Variants in MYO10 observed in about 807,000 individuals in gnomAD.
The protein encoded by MYO10 is unconventional myosin-X.
Under a neutral mutation model 257.3 loss-of-function variants are expected in MYO10, and 133 were observed. The ratio of observed to expected loss-of-function variants is 0.52; its 90% CI spans 0.45 to 0.60. The LOEUF (loss-of-function observed/expected upper bound fraction) is 0.60, where lower values mean the gene tolerates loss of function less well. Among genes scored for constraint, MYO10 ranks in the 20% least tolerant of loss-of-function variants. MYO10 has a pLI of 0.00. For missense variants in MYO10, 2,399 were observed against 2,635.7 expected (o/e 0.91, Z 1.97); for synonymous variants, 1,104 against 1,028.6 (o/e 1.07, Z -1.40).
chr5:16,934,105 C>T lies in MYO10; in HGVS notation c.21+1683G>A, dbSNP rs554681701. Among the ~76,000 whole-genome samples the T allele has an allele frequency of 5.3e-5, 8 of 152,338 alleles. No individual in the cohort carries two copies. The South Asian group carries it at 1.7e-3, about 32-fold the overall frequency. Reference sequence around the variant, plus strand: ...ACAGAAATAAAATCCAACAACCAGGCCCCTTACACTGAACTAAGGTATCCA... The same window carrying T: ...ACAGAAATAAAATCCAACAACCAGGTCCCTTACACTGAACTAAGGTATCCA... On this transcript the variant is annotated intron_variant, in intron 1 of 40. Transcript: ENST00000513610.
chr5:16,922,059 C>T (rs1746001966), intron 1 of MYO10, among the ~76,000 whole-genome samples: 1 of 151,816 alleles, frequency 6.6e-6, no homozygotes, highest in African/African-American at 2.4e-5. Flanking sequence ...ACTAAAAATA[C>T]AAAAATTAGC....
At chr5:16,839,248 A>G (rs1006914581) in intron 2 of MYO10, among the ~76,000 whole-genome samples, 12 of 152,208 alleles carry the variant, frequency 7.9e-5, no homozygotes, top group Admixed American at 7.9e-4. Flanking sequence ...TGCCATCAAG[A>G]ACATCTGTGA....
intron 2 of MYO10, among the ~76,000 whole-genome samples, chr5:16,818,394 GTGTGTGTGTGTGTGTGTA>G (rs1372441601): frequency 1.9e-5 from 2 of 107,794 alleles, no homozygotes; most frequent in African/African-American, 3.4e-5. Flanking sequence ...GTGTGTGTGT[GTGTGTGTGTGTGTGTGTA>G]TATATATATA....
At chr5:16,823,125 G>T (rs903428625) in intron 2 of MYO10, among the ~76,000 whole-genome samples, 11 of 150,926 alleles carry the variant, frequency 7.3e-5, no homozygotes, top group East Asian at 2.0e-4. Context: ...TATACAGCAG[G>T]AAAGAAAACT....
At chr5:16,923,200 A>G (rs1489994593) in intron 1 of MYO10, among the ~76,000 whole-genome samples, 1 of 152,156 alleles carries the variant, frequency 6.6e-6, no homozygotes. Flanking sequence ...GTAGAAATAA[A>G]CAGAAGTAAA....
intron 1 of MYO10, among the ~76,000 whole-genome samples, chr5:16,932,457 T>C (rs1422073585): frequency 1.3e-5 from 2 of 152,094 alleles, no homozygotes; most frequent in African/African-American, 4.8e-5. Context: ...GGTTGAGCCT[T>C]TTCTGTTTGC....
At chr5:16,724,119 G>C (rs73755155) in intron 19 of MYO10, among the ~76,000 whole-genome samples, 9,723 of 152,246 alleles carry the variant, frequency 0.064, 1,071 homozygotes, top group African/African-American at 0.22. Context: ...TGTCACAAGA[G>C]AATCTAAATG....
At chr5:16,818,393 T>TGC (rs1312599613) in intron 2 of MYO10, among the ~76,000 whole-genome samples, 1 of 107,762 alleles carries the variant, frequency 9.3e-6, no homozygotes, top group African/African-American at 3.4e-5. Context: ...TGTGTGTGTG[T>TGC]GTGTGTGTGT....
At chr5:16,683,574 C>A (rs538102663) in intron 30 of MYO10, among the ~76,000 whole-genome samples, 8 of 152,318 alleles carry the variant, frequency 5.3e-5, no homozygotes, top group Admixed American at 2.0e-4. Flanking sequence ...CAGGCATTTT[C>A]TTCCTGTATA....
At chr5:16,673,655 G>C (rs749548911) in intron 36 of MYO10, 27 bp downstream of exon 36, 1 of 1,600,664 alleles carries the variant, frequency 6.2e-7, no homozygotes, top group South Asian at 1.1e-5. Context: ...GCATCTAACA[G>C]AACAAGCAGC....
intron 2 of MYO10, among the ~76,000 whole-genome samples, chr5:16,848,160 T>TTTTTTTTTC: frequency 6.8e-6 from 1 of 147,336 alleles, no homozygotes; most frequent in Non-Finnish European, 1.5e-5. Context: ...CATTTCTTTT[T>TTTTTTTTTC]TTTTTTTTTT....
chr5:16,786,184 GT>G (rs1305661812), intron 4 of MYO10, among the ~76,000 whole-genome samples: 5 of 152,134 alleles, frequency 3.3e-5, no homozygotes, highest in Non-Finnish European at 7.3e-5. Context: ...ATGGCTGTCT[GT>G]CATAGCAGCC....
At chr5:16,877,549 G>C in intron 2 of MYO10, 60 bp downstream of exon 2, 1 of 1,359,060 alleles carries the variant, frequency 7.4e-7, no homozygotes, top group South Asian at 1.2e-5. Context: ...ACATGCCCTG[G>C]GCACGAATAG....
intron 2 of MYO10, among the ~76,000 whole-genome samples, chr5:16,827,174 C>T (rs1316123853): frequency 6.6e-6 from 1 of 152,208 alleles, no homozygotes; most frequent in African/African-American, 2.4e-5. Context: ...GAAATTCACA[C>T]AGGTCTACTC....
At chr5:16,935,387 C>T (rs1042728544) in intron 1 of MYO10, among the ~76,000 whole-genome samples, 1 of 152,206 alleles carries the variant, frequency 6.6e-6, no homozygotes, top group East Asian at 1.9e-4. Context: ...AAATACCAGA[C>T]AAGACCTTTC....
rs556066101 is a variant in MYO10, at chr5:16,665,928, C to T, written c.*764G>A. Reference sequence around the variant, plus strand: ...CAAAATACAGCAAAGACAGGAAAATCCAGGATTTGGGTTTGTTAATAAAAC... The same window carrying T: ...CAAAATACAGCAAAGACAGGAAAATTCAGGATTTGGGTTTGTTAATAAAAC... On this transcript the variant is annotated 3_prime_UTR_variant, in exon 41 of 41. Coordinates refer to ENST00000513610, the MANE Select transcript of MYO10 (RefSeq NM_012334.3). The T allele has an allele frequency of 7.9e-5, 12 of 152,546 alleles. No homozygotes were observed. Among genetic ancestry groups the T allele is most frequent in the Non-Finnish European group, 1.3e-4 (9 of 68,026 alleles). 9.4% of individuals were successfully genotyped at this position (152,546 alleles called of 1,614,324 possible).
At chr5:16,932,907 A>G (rs1746329438) in intron 1 of MYO10, among the ~76,000 whole-genome samples, 1 of 152,154 alleles carries the variant, frequency 6.6e-6, no homozygotes, top group Non-Finnish European at 1.5e-5. Flanking sequence ...GGCTGGAACT[A>G]CAGGTGCATA....
intron 1 of MYO10, 142 bp from the exon 2 acceptor site, chr5:16,877,849 A>C: frequency 3.0e-6 from 2 of 673,554 alleles, no homozygotes; most frequent in South Asian, 3.7e-5. Context: ...CAAAGAACAA[A>C]TCTTCGCAAA....
chr5:16,780,588 AT>A lies in MYO10; in HGVS notation c.761del (p.Asn254IlefsTer36). On this transcript the variant is annotated frameshift_variant, in exon 8 of 41. Coordinates refer to ENST00000513610, the MANE Select transcript of MYO10 (RefSeq NM_012334.3). LOFTEE classifies it high-confidence loss of function. ...LLEKNRVVRQ[N>X]PGERNYHIFY... ...ATATGTGATAATTCCTTTCCCCGGGATTTTGCCTTACTACTCGGTTCTGGGA... is the reference window on the plus strand; with the variant it reads ...ATATGTGATAATTCCTTTCCCCGGGATTTGCCTTACTACTCGGTTCTGGGA... 6.3e-7 allele frequency: 1 copy of A among 1,579,326 alleles called. No individual in the cohort carries two copies. Among genetic ancestry groups the A allele is most frequent in the Non-Finnish European group, 8.6e-7 (1 of 1,160,820 alleles).
Sources: allele counts gnomAD v4.1 joint callset (sites outside exome capture counted in the v4.1 genomes callset), GRCh38; gene constraint gnomAD v4.1.1; transcripts MANE v1.5; gene names NCBI Gene and HGNC (gene_info 2026-07-23, HGNC 2026-07-21).